The following PRELID2 variants were observed in gnomAD, a reference collection of about 807,000 sequenced individuals.
PRELID2 encodes the protein PRELI domain containing 2, also known as PRELI domain-containing protein 2.
Under a neutral mutation model 28.4 loss-of-function variants are expected in PRELID2, and 25 were observed. That is an observed-to-expected ratio of 0.88 (90% confidence interval 0.64 to 1.23). The LOEUF is 1.23. PRELID2 is among the 50% of genes most tolerant of loss of function. The pLI is 0.00. For missense variants in PRELID2, 201 were observed against 214.4 expected (o/e 0.94, Z 0.39); for synonymous variants, 76 against 71.6 (o/e 1.06, Z -0.31).
intron 1 of PRELID2, among the ~76,000 whole-genome samples, chr5:145,478,974 G>C (rs451977): frequency 0.43 from 65,104 of 152,040 alleles, 14,399 homozygotes; most frequent in Non-Finnish European, 0.48. Flanking sequence ...ATACCCAGAA[G>C]TCACAATTCT....
intron 1 of PRELID2, among the ~76,000 whole-genome samples, chr5:145,486,645 T>C (rs1427732834): frequency 1.3e-5 from 2 of 152,180 alleles, no homozygotes; most frequent in East Asian, 1.9e-4. Flanking sequence ...AAGTATTCCA[T>C]AAAATTAAGG....
the PRELID2 span, among the ~76,000 whole-genome samples, chr5:145,418,861 C>T: frequency 1.3e-3 from 194 of 150,590 alleles, 1 homozygote; most frequent in Middle Eastern, 0.01. Context: ...GTATATCTCC[C>T]GATGCTATCC....
intron 4 of PRELID2, among the ~76,000 whole-genome samples, chr5:145,817,004 AT>A (rs1754349315): frequency 6.6e-6 from 1 of 150,906 alleles, no homozygotes; most frequent in South Asian, 2.1e-4. Context: ...TACGAAACAA[AT>A]TTTTTAATTA....
the PRELID2 span, among the ~76,000 whole-genome samples, chr5:145,418,887 A>G: frequency 9.0e-6 from 1 of 111,704 alleles, no homozygotes; most frequent in African/African-American, 3.5e-5. Context: ...CCCTACCCCC[A>G]CCCCACAACA....
intron 1 of PRELID2, among the ~76,000 whole-genome samples, chr5:145,657,946 C>T (rs1754424331): frequency 6.6e-6 from 1 of 152,166 alleles, no homozygotes; most frequent in African/African-American, 2.4e-5. Context: ...TCATTATTCC[C>T]CCATCTCATC....
At chr5:145,409,397 C>A in the PRELID2 span, among the ~76,000 whole-genome samples, 1 of 152,056 alleles carries the variant, frequency 6.6e-6, no homozygotes, top group Admixed American at 6.6e-5. Context: ...ATGTAAATGG[C>A]CTAACTGCTC....
the PRELID2 span, among the ~76,000 whole-genome samples, chr5:145,360,842 CT>C: frequency 6.6e-6 from 1 of 152,126 alleles, no homozygotes; most frequent in South Asian, 2.1e-4. Flanking sequence ...TTTCATGTAT[CT>C]TTTTGTTTCA....
At chr5:145,711,314 G>A (rs564393159) in intron 1 of PRELID2, among the ~76,000 whole-genome samples, 1 of 152,236 alleles carries the variant, frequency 6.6e-6, no homozygotes, top group South Asian at 2.1e-4. Context: ...TAAAAATCTT[G>A]GGTTGCAAAG....
At chr5:145,375,235 T>C in the PRELID2 span, among the ~76,000 whole-genome samples, 1 of 152,118 alleles carries the variant, frequency 6.6e-6, no homozygotes, top group East Asian at 1.9e-4. Flanking sequence ...CCCACTTCTG[T>C]AGGGCTGCTG....
At chr5:145,253,328 C>T in the PRELID2 span, among the ~76,000 whole-genome samples, 16 of 152,188 alleles carry the variant, frequency 1.1e-4, no homozygotes, top group Middle Eastern at 3.4e-3. Flanking sequence ...CTGGGCAAGA[C>T]CTGTTACAAT....
chr5:145,714,666 G>A (rs1755793875), intron 1 of PRELID2, among the ~76,000 whole-genome samples: 2 of 151,896 alleles, frequency 1.3e-5, no homozygotes, highest in Non-Finnish European at 2.9e-5. Flanking sequence ...ATCCAATTTT[G>A]TCTGATTCTA....
At chr5:145,784,251 A>G (rs1751841412) in intron 5 of PRELID2, among the ~76,000 whole-genome samples, 1 of 148,184 alleles carries the variant, frequency 6.7e-6, no homozygotes, top group Non-Finnish European at 1.5e-5. Flanking sequence ...AAAAAAAAAG[A>G]AAAGAAAAGA....
chr5:145,816,367 T>C (rs10052931), intron 4 of PRELID2, among the ~76,000 whole-genome samples: 83,940 of 151,740 alleles, frequency 0.55, 25,128 homozygotes, highest in Non-Finnish European at 0.69. Context: ...CAGGCATGAG[T>C]CACCACGCCC....
chr5:145,772,879 C>A (rs112139541), intron 5 of PRELID2, among the ~76,000 whole-genome samples: 14 of 152,306 alleles, frequency 9.2e-5, no homozygotes, highest in African/African-American at 2.9e-4. Flanking sequence ...TATCTAATCC[C>A]ATCTACAAAC....
intron 4 of PRELID2, among the ~76,000 whole-genome samples, chr5:145,816,614 G>A (rs964988461): frequency 2.0e-5 from 3 of 152,070 alleles, no homozygotes; most frequent in African/African-American, 7.2e-5. Context: ...TATTCTACAT[G>A]AGGTAGGGAT....
the PRELID2 span, among the ~76,000 whole-genome samples, chr5:145,379,160 T>C: frequency 6.6e-6 from 1 of 152,100 alleles, no homozygotes; most frequent in Non-Finnish European, 1.5e-5. Flanking sequence ...CCCAACTTTG[T>C]TCTCTGGTTT....
At chr5:145,530,408 C>T (rs946382450) in intron 1 of PRELID2, among the ~76,000 whole-genome samples, 4 of 151,984 alleles carry the variant, frequency 2.6e-5, no homozygotes, top group Non-Finnish European at 5.9e-5. Flanking sequence ...AGGAGGAGTT[C>T]CACAGGGGCA....
chr5:145,412,400 T>A, the PRELID2 span, among the ~76,000 whole-genome samples: 1 of 152,186 alleles, frequency 6.6e-6, no homozygotes, highest in Non-Finnish European at 1.5e-5. Flanking sequence ...TCTCTTTGCA[T>A]AGCAAGAATA....
At chr5:145,646,922 G>T (rs1274112598) in intron 1 of PRELID2, among the ~76,000 whole-genome samples, 4 of 152,122 alleles carry the variant, frequency 2.6e-5, no homozygotes, top group Non-Finnish European at 4.4e-5. Context: ...GCCAGATGCC[G>T]GCCAGAGCTC....
Sources: allele counts gnomAD v4.1 joint callset (sites outside exome capture counted in the v4.1 genomes callset), GRCh38; gene constraint gnomAD v4.1.1; transcripts MANE v1.5; gene names NCBI Gene and HGNC (gene_info 2026-07-23, HGNC 2026-07-21).